Variants in WDR41 observed in about 807,000 individuals in gnomAD.
The protein encoded by WDR41 is WD repeat domain 41, also known as WD repeat-containing protein 41.
In WDR41, 63 loss-of-function variants were observed where a neutral mutation model predicts 69.3. The ratio of observed to expected loss-of-function variants is 0.91; its 90% CI spans 0.74 to 1.12. The LOEUF (loss-of-function observed/expected upper bound fraction) is 1.12, where lower values mean the gene tolerates loss of function less well. WDR41 is among the 50% of genes most tolerant of loss of function. The probability of loss-of-function intolerance (pLI) is 0.00; values close to 1 mark genes in which losing one functional copy is unlikely to be tolerated. For synonymous variants in WDR41, 185 were observed against 192.1 expected, an observed-to-expected ratio of 0.96 and a Z score of 0.31; for missense variants, 543 against 534.5, an observed-to-expected ratio of 1.02 and a Z score of -0.16.
At chr5:77,577,031 C>T (rs1362202988) in intron 1 of WDR41, among the ~76,000 whole-genome samples, 2 of 152,162 alleles carry the variant, frequency 1.3e-5, no homozygotes, top group Admixed American at 6.5e-5. Flanking sequence ...GGAAACAGGA[C>T]ATCACTGGGG....
At chr5:77,617,559 T>C (rs1460522069) in intron 1 of WDR41, among the ~76,000 whole-genome samples, 1 of 152,210 alleles carries the variant, frequency 6.6e-6, no homozygotes, top group Non-Finnish European at 1.5e-5. Context: ...TATAAACAAA[T>C]ATCATAGTCA....
At chr5:77,439,557 G>C (rs1286853025) in intron 9 of WDR41, among the ~76,000 whole-genome samples, 1 of 152,298 alleles carries the variant, frequency 6.6e-6, no homozygotes, top group South Asian at 2.1e-4. Context: ...CACAGTTTAA[G>C]TAATTTATCC....
At chr5:77,549,544 C>A (rs576313651) in intron 1 of WDR41, among the ~76,000 whole-genome samples, 1 of 152,042 alleles carries the variant, frequency 6.6e-6, no homozygotes, top group African/African-American at 2.4e-5. Flanking sequence ...AAAAAACAAA[C>A]CTAGGTACAC....
intron 8 of WDR41, among the ~76,000 whole-genome samples, chr5:77,445,638 G>A (rs1196080002): frequency 4.6e-5 from 7 of 152,250 alleles, no homozygotes; most frequent in Admixed American, 1.3e-4. Flanking sequence ...ATCAATAAAC[G>A]TAATCCATCA....
intron 1 of WDR41, among the ~76,000 whole-genome samples, chr5:77,499,977 A>T (rs1258337574): frequency 6.6e-6 from 1 of 152,022 alleles, no homozygotes; most frequent in African/African-American, 2.4e-5. Context: ...AAAAAATACC[A>T]ACAGTCTCCA....
At chr5:77,558,101 AAAAAAAAAAAAAAAAC>A (rs1470245625) in intron 1 of WDR41, among the ~76,000 whole-genome samples, 1 of 149,670 alleles carries the variant, frequency 6.7e-6, no homozygotes, top group Admixed American at 6.6e-5. Flanking sequence ...TTTTAAAAAA[AAAAAAAAAAAAAAAAC>A]AAAACAGGAG....
chr5:77,555,938 A>C (rs1051871331), intron 1 of WDR41, among the ~76,000 whole-genome samples: 8 of 152,046 alleles, frequency 5.3e-5, no homozygotes, highest in Non-Finnish European at 8.8e-5. Flanking sequence ...GAAGGAAGAG[A>C]CTTGCCTTAC....
chr5:77,558,094 T>TAAAAAAA lies in WDR41; in HGVS notation c.42+62378_42+62384dup, dbSNP rs71608105. On this transcript the variant is annotated intron_variant, in intron 1 of 5. Coordinates refer to the WDR41 transcript ENST00000509971. ...CATAGGGAACTTCAAATGTTCTTTT[T>TAAAAAAA]AAAAAAAAAAAAAAAAAAAAAACAA... 3.4e-3 allele frequency among the ~76,000 whole-genome samples: 352 copies of TAAAAAAA among 104,162 alleles called. 17 individuals carry two copies. Among genetic ancestry groups the TAAAAAAA allele is most frequent in the East Asian group, 0.015 (50 of 3,244 alleles). The allele number at this position is 104,162 out of a possible 152,430, so 68.3% of individuals were successfully genotyped here.
intron 1 of WDR41, among the ~76,000 whole-genome samples, chr5:77,576,671 G>C (rs915608496): frequency 6.6e-6 from 1 of 151,772 alleles, no homozygotes; most frequent in African/African-American, 2.4e-5. Context: ...TTCTGTTCTT[G>C]GTCCTTTTTT....
At chr5:77,454,922 AGATT>A (rs1197952655) in intron 5 of WDR41, among the ~76,000 whole-genome samples, 7 of 152,232 alleles carry the variant, frequency 4.6e-5, no homozygotes, top group African/African-American at 1.2e-4. Flanking sequence ...ATGGACATAT[AGATT>A]GTTTCCATTT....
chr5:77,614,015 C>T (rs767555947), intron 1 of WDR41, among the ~76,000 whole-genome samples: 382 of 151,968 alleles, frequency 2.5e-3, no homozygotes, highest in South Asian at 0.014. Flanking sequence ...CAAAAGAAGA[C>T]ATTTATGCAG....
chr5:77,466,114 T>C (rs1800294580), intron 2 of WDR41, among the ~76,000 whole-genome samples: 1 of 151,954 alleles, frequency 6.6e-6, no homozygotes, highest in South Asian at 2.1e-4. Flanking sequence ...CTACCTATCT[T>C]TTTAACAGAA....
intron 5 of WDR41, among the ~76,000 whole-genome samples, chr5:77,454,527 G>C (rs1356534981): frequency 6.6e-6 from 1 of 152,164 alleles, no homozygotes; most frequent in Non-Finnish European, 1.5e-5. Flanking sequence ...TTGAAACTAT[G>C]ACCTTAGTTT....
intron 10 of WDR41, among the ~76,000 whole-genome samples, chr5:77,437,722 C>T (rs1405447792): frequency 6.6e-6 from 1 of 152,164 alleles, no homozygotes; most frequent in African/African-American, 2.4e-5. Context: ...AGCCCCCTTC[C>T]CTCCTCTTGC....
intron 1 of WDR41, among the ~76,000 whole-genome samples, chr5:77,512,827 G>T (rs1802231093): frequency 6.6e-6 from 1 of 150,744 alleles, no homozygotes; most frequent in African/African-American, 2.4e-5. Flanking sequence ...TCTGAACACT[G>T]AAATCAAATT....
chr5:77,605,436 T>C (rs928439543), intron 1 of WDR41, among the ~76,000 whole-genome samples: 1 of 152,190 alleles, frequency 6.6e-6, no homozygotes, highest in Admixed American at 6.6e-5. Context: ...CTGGGAGTGG[T>C]GTGTGGTGGA....
intron 1 of WDR41, among the ~76,000 whole-genome samples, chr5:77,549,148 G>A (rs767602597): frequency 6.6e-6 from 1 of 151,508 alleles, no homozygotes; most frequent in Non-Finnish European, 1.5e-5. Context: ...GGGGAAAGGG[G>A]GTGAAGGATA....
chr5:77,536,404 T>TA (rs149157036), intron 1 of WDR41, among the ~76,000 whole-genome samples: 6,013 of 150,154 alleles, frequency 0.04, 252 homozygotes, highest in South Asian at 0.2. Context: ...AGCAAAGTGT[T>TA]AAAAAAAAAG....
intron 2 of WDR41, among the ~76,000 whole-genome samples, chr5:77,485,944 G>GAA (rs1801500726): frequency 6.6e-6 from 1 of 151,040 alleles, no homozygotes; most frequent in African/African-American, 2.4e-5. Context: ...TATAACAGCT[G>GAA]ACCAAAAAAA....
Sources: allele counts gnomAD v4.1 joint callset (sites outside exome capture counted in the v4.1 genomes callset), GRCh38; gene constraint gnomAD v4.1.1; transcripts MANE v1.5; gene names NCBI Gene and HGNC (gene_info 2026-07-23, HGNC 2026-07-21).